KCTD16: variants seen among roughly 807,000 people sequenced by gnomAD.
KCTD16 encodes potassium channel tetramerization domain containing 16.
In KCTD16, 13 loss-of-function variants were observed where a neutral mutation model predicts 33.2. The ratio of observed to expected loss-of-function variants is 0.39; its 90% CI spans 0.25 to 0.62. The LOEUF is 0.62. KCTD16 is among the 20% of genes least tolerant of loss of function. The probability of loss-of-function intolerance (pLI) is 0.50; values close to 1 mark genes in which losing one functional copy is unlikely to be tolerated. For missense variants in KCTD16, 441 were observed against 525.1 expected, an observed-to-expected ratio of 0.84 and a Z score of 1.57; for synonymous variants, 197 against 195.3, an observed-to-expected ratio of 1.01 and a Z score of -0.07.
chr5:144,233,056 A>G (rs1019980401), intron 3 of KCTD16, among the ~76,000 whole-genome samples: 3 of 152,050 alleles, frequency 2.0e-5, no homozygotes, highest in Admixed American at 6.5e-5. Context: ...CCTCAAAGCA[A>G]TATTGGAAAA....
intron 3 of KCTD16, among the ~76,000 whole-genome samples, chr5:144,453,188 G>A (rs974001311): frequency 6.6e-6 from 1 of 151,992 alleles, no homozygotes; most frequent in Non-Finnish European, 1.5e-5. Context: ...CTCCATTTTG[G>A]TGCCCATCTC....
At chr5:144,207,904 A>G (rs1278933462) in intron 3 of KCTD16, among the ~76,000 whole-genome samples, 1 of 152,256 alleles carries the variant, frequency 6.6e-6, no homozygotes, top group Non-Finnish European at 1.5e-5. Flanking sequence ...GGAGCTTGGT[A>G]TACTCAGTGG....
At chr5:144,417,913 G>A (rs551410629) in intron 3 of KCTD16, among the ~76,000 whole-genome samples, 3 of 152,254 alleles carry the variant, frequency 2.0e-5, no homozygotes, top group African/African-American at 7.2e-5. Flanking sequence ...TGAAGCTATG[G>A]ACCCTCACAG....
At chr5:144,369,584 T>C (rs765384769) in intron 3 of KCTD16, among the ~76,000 whole-genome samples, 2 of 152,214 alleles carry the variant, frequency 1.3e-5, no homozygotes, top group Non-Finnish European at 2.9e-5. Flanking sequence ...CTTTCCATTC[T>C]TTAAGACTAA....
chr5:144,466,988 CTA>C (rs55882530), intron 3 of KCTD16, among the ~76,000 whole-genome samples: 7 of 100,594 alleles, frequency 7.0e-5, no homozygotes, highest in East Asian at 7.2e-4. Context: ...ATATATAACA[CTA>C]TATATATTAT....
At chr5:144,359,375 C>T (rs757050706) in intron 3 of KCTD16, among the ~76,000 whole-genome samples, 1 of 152,114 alleles carries the variant, frequency 6.6e-6, no homozygotes, top group Non-Finnish European at 1.5e-5. Flanking sequence ...TCATCATTAA[C>T]CCTCTCTTTT....
At chr5:144,282,665 A>C (rs544495902) in intron 3 of KCTD16, among the ~76,000 whole-genome samples, 27 of 152,338 alleles carry the variant, frequency 1.8e-4, no homozygotes, top group South Asian at 1.2e-3. Flanking sequence ...GAGAGTAGAA[A>C]GCAGGAAAAG....
At chr5:144,250,253 C>T (rs1580819964) in intron 3 of KCTD16, among the ~76,000 whole-genome samples, 1 of 152,108 alleles carries the variant, frequency 6.6e-6, no homozygotes, top group East Asian at 1.9e-4. Context: ...GAGCCATTTC[C>T]ACCTTGGGTT....
At chr5:144,249,804 A>G (rs1336802607) in intron 3 of KCTD16, among the ~76,000 whole-genome samples, 1 of 152,188 alleles carries the variant, frequency 6.6e-6, no homozygotes, top group Non-Finnish European at 1.5e-5. Context: ...TCTGCATTTA[A>G]ATGACAGAGC....
chr5:144,389,877 C>G (rs1396502572), intron 3 of KCTD16, among the ~76,000 whole-genome samples: 1 of 152,184 alleles, frequency 6.6e-6, no homozygotes, highest in Admixed American at 6.5e-5. Flanking sequence ...TTGACCCTTT[C>G]CCTGTTTGGG....
intron 3 of KCTD16, among the ~76,000 whole-genome samples, chr5:144,224,383 G>GGT (rs1554081701): frequency 1.0e-5 from 1 of 100,334 alleles, no homozygotes; most frequent in Non-Finnish European, 1.9e-5. Flanking sequence ...AATATAATGT[G>GGT]TTTTTTTTTT....
chr5:144,412,433 A>C (rs1351255974), intron 3 of KCTD16, among the ~76,000 whole-genome samples: 1 of 152,204 alleles, frequency 6.6e-6, no homozygotes, highest in African/African-American at 2.4e-5. Context: ...AGAATGGCAA[A>C]TATCACATGT....
intron 3 of KCTD16, among the ~76,000 whole-genome samples, chr5:144,245,087 G>A (rs1218684299): frequency 6.6e-6 from 1 of 152,046 alleles, no homozygotes; most frequent in East Asian, 1.9e-4. Context: ...TTATTCCATT[G>A]TACATTTATT....
intron 3 of KCTD16, among the ~76,000 whole-genome samples, chr5:144,345,599 A>C (rs1752776075): frequency 6.6e-6 from 1 of 152,080 alleles, no homozygotes; most frequent in African/African-American, 2.4e-5. Context: ...TATGCCATGC[A>C]CTCTCTTAGA....
intron 3 of KCTD16, among the ~76,000 whole-genome samples, chr5:144,280,640 T>C (rs868815850): frequency 1.3e-5 from 2 of 152,142 alleles, no homozygotes; most frequent in African/African-American, 2.4e-5. Context: ...AAACATGTTT[T>C]CCGGCTGGGC....
At position 144,304,810 on chromosome 5, in the gene KCTD16, G is replaced by A. The variant is rs115803852; in HGVS notation, c.832+97264G>A. 3.0e-3 allele frequency among the ~76,000 whole-genome samples: 458 copies of A among 152,112 alleles called. 5 individuals are homozygous for A. Among genetic ancestry groups the A allele is most frequent in the African/African-American group, 0.011 (447 of 41,500 alleles). The stretch of plus-strand genomic sequence containing the variant: ...TAAGGAGGGACTACTGTGCACTGCA[G>A]GTCTGTCACTGTCTTGACTAATGTC... On this transcript the variant is annotated intron_variant, in intron 3 of 3. Transcript: ENST00000512467.
intron 2 of KCTD16, among the ~76,000 whole-genome samples, chr5:144,192,901 G>A (rs770734985): frequency 3.9e-5 from 6 of 152,162 alleles, no homozygotes; most frequent in Admixed American, 3.3e-4. Context: ...GCAGTGGTGA[G>A]CCAATTAAGA....
chr5:144,280,007 GA>G (rs1288679550), intron 3 of KCTD16, among the ~76,000 whole-genome samples: 3 of 152,134 alleles, frequency 2.0e-5, no homozygotes, highest in African/African-American at 7.2e-5. Context: ...CTGCATTCCT[GA>G]AATAAACTTC....
At chr5:144,258,536 C>T (rs1470366657) in intron 3 of KCTD16, among the ~76,000 whole-genome samples, 1 of 152,060 alleles carries the variant, frequency 6.6e-6, no homozygotes, top group Non-Finnish European at 1.5e-5. Flanking sequence ...TGACATAACA[C>T]AAGAGATGAT....
Sources: allele counts gnomAD v4.1 joint callset (sites outside exome capture counted in the v4.1 genomes callset), GRCh38; gene constraint gnomAD v4.1.1; transcripts MANE v1.5; gene names NCBI Gene and HGNC (gene_info 2026-07-23, HGNC 2026-07-21).